ZNF362: variants seen among roughly 807,000 people sequenced by gnomAD.
ZNF362 encodes rotund homolog.
Under a neutral mutation model 42.9 loss-of-function variants are expected in ZNF362, and 11 were observed. The ratio of observed to expected loss-of-function variants is 0.26; its 90% CI spans 0.16 to 0.42. ZNF362 has a LOEUF of 0.42. Among genes scored for constraint, ZNF362 ranks in the 20% least tolerant of loss-of-function variants. The pLI is 1.00. For synonymous variants in ZNF362, 255 were observed against 257.3 expected (o/e 0.99, Z 0.09); for missense variants, 362 against 576.2 (o/e 0.63, Z 3.81).
At chr1:33,185,817 G>T in the ZNF362 span, among the ~76,000 whole-genome samples, 3 of 151,914 alleles carry the variant, frequency 2.0e-5, no homozygotes, top group Non-Finnish European at 2.9e-5. Context: ...GTGAGAAAAA[G>T]AAAAGAAAGA....
the ZNF362 span, chr1:33,159,640 C>G: frequency 6.4e-7 from 1 of 1,572,564 alleles, no homozygotes; most frequent in African/African-American, 1.3e-5. The surrounding 1 kb of genome is among the most constrained non-coding windows in gnomAD (Gnocchi z 4.2). Context: ...CAGCATGGGT[C>G]GAGGAGGGGA....
intron 6 of ZNF362, among the ~76,000 whole-genome samples, chr1:33,292,383 T>A (rs562644929): frequency 3.3e-5 from 5 of 152,364 alleles, no homozygotes; most frequent in African/African-American, 4.8e-5. Context: ...TTGATTTGCG[T>A]ATGTTGAACC....
intron 6 of ZNF362, among the ~76,000 whole-genome samples, chr1:33,286,059 T>C (rs919765991): frequency 1.3e-5 from 2 of 151,924 alleles, no homozygotes; most frequent in African/African-American, 4.8e-5. Flanking sequence ...CAAGACCCTG[T>C]CTCAAAAAAC....
the ZNF362 span, chr1:33,158,307 T>G: frequency 1.2e-6 from 2 of 1,614,028 alleles, no homozygotes; most frequent in Non-Finnish European, 1.7e-6. Flanking sequence ...AGGGGGCCTG[T>G]GTACTTGGAG....
At chr1:33,159,436 A>G in the ZNF362 span, among the ~76,000 whole-genome samples, 1 of 152,200 alleles carries the variant, frequency 6.6e-6, no homozygotes, top group Non-Finnish European at 1.5e-5. The surrounding 1 kb of genome is among the most constrained non-coding windows in gnomAD (Gnocchi z 4.2). Flanking sequence ...CAGCAGGGTC[A>G]AAGTGGCTGC....
At chr1:33,158,234 A>C in the ZNF362 span, 5 of 1,609,986 alleles carry the variant, frequency 3.1e-6, no homozygotes, top group Non-Finnish European at 4.2e-6. Context: ...GCTCTGGACC[A>C]TGATAACCCA....
intron 6 of ZNF362, among the ~76,000 whole-genome samples, chr1:33,285,190 G>T (rs1163732425): frequency 6.6e-6 from 1 of 152,168 alleles, no homozygotes; most frequent in Non-Finnish European, 1.5e-5. Context: ...GAGACAGGTG[G>T]ATCACTTGAG....
the ZNF362 span, among the ~76,000 whole-genome samples, chr1:33,154,365 C>T: frequency 1.3e-5 from 2 of 152,200 alleles, no homozygotes; most frequent in Non-Finnish European, 2.9e-5. Context: ...TGTCACAGCT[C>T]GGAGAGGCAG....
chr1:33,180,977 A>G, the ZNF362 span: 1 of 179,470 alleles, frequency 5.6e-6, no homozygotes, highest in East Asian at 3.2e-4. Context: ...GCCCGGCCCC[A>G]CCTCCAGCCC....
At chr1:33,144,657 G>A in the ZNF362 span, among the ~76,000 whole-genome samples, 145 of 152,260 alleles carry the variant, frequency 9.5e-4, 2 homozygotes, top group African/African-American at 2.7e-3. Flanking sequence ...TTCTTTAGTC[G>A]ACAGTCTTTT....
chr1:33,187,099 G>A, the ZNF362 span, among the ~76,000 whole-genome samples: 2 of 152,074 alleles, frequency 1.3e-5, no homozygotes, highest in Non-Finnish European at 1.5e-5. Flanking sequence ...CAGAATGATC[G>A]ATGCCTCAGA....
At chr1:33,129,047 G>A in the ZNF362 span, among the ~76,000 whole-genome samples, 13 of 152,126 alleles carry the variant, frequency 8.5e-5, no homozygotes, top group African/African-American at 3.1e-4. This position sits in a 1 kb window ranked among gnomAD's most constrained non-coding sequence, Gnocchi z 4.1. Flanking sequence ...AAAAGTCTGG[G>A]GAAGTTGAGG....
intron 1 of ZNF362, among the ~76,000 whole-genome samples, chr1:33,260,721 G>A (rs1182761563): frequency 1.3e-5 from 2 of 152,200 alleles, no homozygotes; most frequent in South Asian, 4.1e-4. Context: ...AGGGAGTCCA[G>A]GTGTGGCAGC....
At chr1:33,296,252 C>A (rs991587337) in intron 8 of ZNF362, among the ~76,000 whole-genome samples, 4 of 152,186 alleles carry the variant, frequency 2.6e-5, no homozygotes, top group Non-Finnish European at 5.9e-5. Flanking sequence ...TCCAGGCCTC[C>A]ATCCGCTAGA....
rs1209689827 is a variant in ZNF362, at chr1:33,280,292, T to C, written c.518T>C (p.Leu173Pro). The C allele has an allele frequency of 6.2e-7, 1 of 1,613,986 alleles. No individual in the cohort carries two copies. The highest frequency in any genetic ancestry group is 1.1e-5 in the South Asian group (1 of 91,084). Residue 173 changes from leucine (L) to proline (P), a missense_variant, in exon 5 of 9, where the codon CTG becomes CCG. By Grantham distance (98) the Leu-to-Pro change is moderately conservative. Coordinates refer to ENST00000539719, the MANE Select transcript of ZNF362 (RefSeq NM_152493.3). This position sits in a 1 kb window ranked among gnomAD's most constrained non-coding sequence, Gnocchi z 5.6. ...TCAGGGATCACCAGCCCCCCTCTCC[T>C]GGACTCCATCAAGACAATCCAGGGC... ...LISGITSPPL[L>P]DSIKTIQGHG... is the part of the protein sequence containing the mutation.
At chr1:33,289,904 C>T (rs1646063774) in intron 6 of ZNF362, among the ~76,000 whole-genome samples, 1 of 152,090 alleles carries the variant, frequency 6.6e-6, no homozygotes, top group Non-Finnish European at 1.5e-5. Context: ...CTGACCTGGT[C>T]TAGGGGGTCA....
chr1:33,161,507 G>C, the ZNF362 span, among the ~76,000 whole-genome samples: 1 of 152,272 alleles, frequency 6.6e-6, no homozygotes. The surrounding 1 kb of genome is among the most constrained non-coding windows in gnomAD (Gnocchi z 4.3). Flanking sequence ...CCTCCCCGAC[G>C]CGCGGCTGCT....
chr1:33,256,771 G>T (rs1170623280), intron 1 of ZNF362, 117 bp downstream of exon 1: 2 of 146,150 alleles, frequency 1.4e-5, no homozygotes, highest in African/African-American at 4.9e-5. Flanking sequence ...CGCTGTCAGC[G>T]CGGGCCGGGG....
chr1:33,205,100 A>G, the ZNF362 span, among the ~76,000 whole-genome samples: 19 of 152,150 alleles, frequency 1.2e-4, no homozygotes, highest in Non-Finnish European at 2.1e-4. Context: ...TCATCTATAT[A>G]TTTAAGAGAA....
Sources: allele counts gnomAD v4.1 joint callset (sites outside exome capture counted in the v4.1 genomes callset), GRCh38; gene constraint gnomAD v4.1.1; non-coding constraint Gnocchi (gnomAD v3.1); transcripts MANE v1.5; gene names NCBI Gene and HGNC (gene_info 2026-07-23, HGNC 2026-07-21).